Variants in CACNA1C observed in about 807,000 individuals in gnomAD.
The protein encoded by CACNA1C is voltage-dependent L-type calcium channel subunit alpha-1C.
A neutral mutation model predicts 229.0 loss-of-function variants in CACNA1C; 30 were observed. The ratio of observed to expected loss-of-function variants is 0.13; its 90% CI spans 0.10 to 0.18. The LOEUF is 0.18. CACNA1C is among the 10% of genes least tolerant of loss of function. The pLI, the probability that CACNA1C is intolerant of heterozygous loss-of-function variation, is 1.00. For synonymous variants in CACNA1C, 1,114 were observed against 1,132.5 expected (o/e 0.98, Z 0.33); for missense variants, 1,658 against 2,845.0 (o/e 0.58, Z 9.49).
chr12:2,304,775 G>A (rs1409503904), intron 3 of CACNA1C, among the ~76,000 whole-genome samples: 3 of 152,140 alleles, frequency 2.0e-5, no homozygotes, highest in Non-Finnish European at 4.4e-5. Flanking sequence ...TTTAAAAAAT[G>A]CTCCTTGCAT....
At chr12:2,509,983 A>G (rs2099780042) in intron 8 of CACNA1C, among the ~76,000 whole-genome samples, 1 of 152,210 alleles carries the variant, frequency 6.6e-6, no homozygotes, top group Admixed American at 6.5e-5. Flanking sequence ...TCGATGATCA[A>G]AGGGCCTAGC....
intron 1 of CACNA1C, among the ~76,000 whole-genome samples, chr12:2,085,970 C>T (rs574280200): frequency 2.6e-5 from 4 of 152,324 alleles, no homozygotes; most frequent in Admixed American, 6.5e-5. Flanking sequence ...TTCACTCCTT[C>T]TAGTCAACTG....
intron 3 of CACNA1C, among the ~76,000 whole-genome samples, chr12:2,191,823 CACACAT>C (rs1038794725): frequency 2.0e-5 from 3 of 148,300 alleles, no homozygotes; most frequent in African/African-American, 7.8e-5. Context: ...CGTATGCACA[CACACAT>C]ACACAGGCAC....
chr12:2,541,419 G>T lies in CACNA1C; in HGVS notation c.1391-8524G>T, dbSNP rs143584189. On this transcript the variant is annotated intron_variant, in intron 9 of 46. Transcript: ENST00000399655. Reference sequence around the variant, plus strand: ...AAAAATGTAATAAGATGGGCACCTGGCCAAGTACATGGCAAAGTCAATTCC... The same window carrying T: ...AAAAATGTAATAAGATGGGCACCTGTCCAAGTACATGGCAAAGTCAATTCC... 4.0e-3 allele frequency among the ~76,000 whole-genome samples: 608 copies of T among 152,322 alleles called. 9 individuals carry two copies. The highest frequency in any genetic ancestry group is 5.0e-3 in the Non-Finnish European group (342 of 68,044).
intron 9 of CACNA1C, among the ~76,000 whole-genome samples, chr12:2,525,999 G>T (rs2099817974): frequency 6.6e-6 from 1 of 152,206 alleles, no homozygotes; most frequent in Non-Finnish European, 1.5e-5. Context: ...TGGGGAGATA[G>T]ATGGAATTCT....
At chr12:1,973,170 T>C (rs1330697862) in intron 1 of CACNA1C, among the ~76,000 whole-genome samples, 1 of 152,224 alleles carries the variant, frequency 6.6e-6, no homozygotes, top group Non-Finnish European at 1.5e-5. Flanking sequence ...ACTGAGAGTC[T>C]ACATAGCACT....
intron 5 of CACNA1C, among the ~76,000 whole-genome samples, chr12:2,476,117 A>T (rs1325097626): frequency 3.3e-5 from 5 of 152,222 alleles, no homozygotes; most frequent in Non-Finnish European, 5.9e-5. Flanking sequence ...ACAGTTTGCC[A>T]CCAATAGGGA....
At chr12:2,013,457 A>G (rs1171603804) in intron 1 of CACNA1C, among the ~76,000 whole-genome samples, 2 of 152,202 alleles carry the variant, frequency 1.3e-5, no homozygotes, top group African/African-American at 4.8e-5. Context: ...AAAGCAAAGA[A>G]TTACTGCTCC....
At chr12:2,007,162 A>C (rs983770841) in intron 1 of CACNA1C, among the ~76,000 whole-genome samples, 2 of 152,072 alleles carry the variant, frequency 1.3e-5, no homozygotes, top group African/African-American at 2.4e-5. Context: ...TCTAATTTTG[A>C]TTTTTCAGCA....
At chr12:2,421,665 C>T (rs113568678) in intron 3 of CACNA1C, among the ~76,000 whole-genome samples, 3 of 152,276 alleles carry the variant, frequency 2.0e-5, no homozygotes, top group African/African-American at 4.8e-5. Context: ...GTAATCCCAG[C>T]GTTTTGGGAG....
chr12:2,165,749 G>A (rs2096186191), intron 3 of CACNA1C, among the ~76,000 whole-genome samples: 1 of 151,870 alleles, frequency 6.6e-6, no homozygotes, highest in African/African-American at 2.4e-5. Flanking sequence ...GTGTATGTGT[G>A]TGTATTAGCC....
intron 1 of CACNA1C, among the ~76,000 whole-genome samples, chr12:2,084,070 A>G (rs1056368235): frequency 1.3e-5 from 2 of 152,216 alleles, no homozygotes; most frequent in African/African-American, 4.8e-5. Flanking sequence ...TGGTATTAAA[A>G]TGTCTCTTCT....
chr12:2,356,181 C>T (rs754570466), intron 3 of CACNA1C, among the ~76,000 whole-genome samples: 5 of 152,228 alleles, frequency 3.3e-5, no homozygotes, highest in African/African-American at 9.6e-5. Context: ...AAGTGGCCTC[C>T]GTGACCTAGA....
At chr12:2,186,798 G>A (rs75314900) in intron 3 of CACNA1C, among the ~76,000 whole-genome samples, 3,761 of 152,262 alleles carry the variant, frequency 0.025, 102 homozygotes, top group African/African-American at 0.067. Flanking sequence ...AGCCCCACTT[G>A]CCAGAAGAGG....
At chr12:2,114,161 G>C (rs2082870570) in intron 1 of CACNA1C, among the ~76,000 whole-genome samples, 1 of 152,224 alleles carries the variant, frequency 6.6e-6, no homozygotes, top group South Asian at 2.1e-4. Context: ...TACTGATTTG[G>C]GGCAGTCCTG....
chr12:2,018,447 A>AAGACATC (rs2045803611), intron 1 of CACNA1C, among the ~76,000 whole-genome samples: 8 of 152,180 alleles, frequency 5.3e-5, no homozygotes, highest in African/African-American at 1.7e-4. Context: ...AAATTTAACA[A>AAGACATC]TATTCTCTCA....
In CACNA1C at chr12:2,653,593, G is replaced by A. The variant is rs1046762524; in HGVS notation, c.4075-242G>A. Among the ~76,000 whole-genome samples, 3 of 152,184 alleles carry A rather than the reference G, an allele frequency of 2.0e-5. No individual in the cohort carries two copies. Among genetic ancestry groups the A allele is most frequent in the Non-Finnish European group, 4.4e-5 (3 of 68,044 alleles). ...TTCTTGATTGTTTTGCCCAGGTAGT[G>A]TCGCACTATATCGTTACTCTGCGGC... is the stretch of plus-strand genomic sequence containing the variant. On this transcript the variant is annotated intron_variant, in intron 32 of 46. Transcript: ENST00000399655. This position sits in a 1 kb window ranked among gnomAD's most constrained non-coding sequence, Gnocchi z 4.7.
At chr12:2,565,437 G>A (rs936604986) in intron 11 of CACNA1C, among the ~76,000 whole-genome samples, 28 of 143,390 alleles carry the variant, frequency 2.0e-4, no homozygotes, top group Non-Finnish European at 7.5e-5. Flanking sequence ...ACTGCAGTCC[G>A]CAGTCCGGCC....
intron 29 of CACNA1C, among the ~76,000 whole-genome samples, chr12:2,625,169 T>C (rs938710065): frequency 6.6e-6 from 1 of 151,810 alleles, no homozygotes; most frequent in Non-Finnish European, 1.5e-5. Context: ...CTTTCCGGCC[T>C]TGTGCTGGAG....
Sources: gnomAD v4.1 joint callset for allele counts (sites outside exome capture counted in the v4.1 genomes callset) on GRCh38, gnomAD v4.1.1 for gene constraint, Gnocchi (gnomAD v3.1) non-coding constraint, MANE v1.5 for transcripts, NCBI Gene and HGNC (gene_info 2026-07-23, HGNC 2026-07-21) for gene names.